Variants in SGF29 observed in about 807,000 individuals in gnomAD.
The protein encoded by SGF29 is SAGA complex associated factor 29, also known as SAGA-associated factor 29.
A neutral mutation model predicts 38.1 loss-of-function variants in SGF29; 15 were observed. The ratio of observed to expected loss-of-function variants is 0.39; its 90% CI spans 0.26 to 0.61. The LOEUF (loss-of-function observed/expected upper bound fraction) is 0.61. Ranked by LOEUF, SGF29 falls within the 20% of genes least tolerant of loss-of-function variation. SGF29 has a pLI of 0.49. For missense variants in SGF29, 184 were observed against 394.6 expected, an observed-to-expected ratio of 0.47 and a Z score of 4.52; for synonymous variants, 151 against 160.8, an observed-to-expected ratio of 0.94 and a Z score of 0.46.
At chr16:28,574,820 A>C (rs1043504193) in intron 1 of SGF29, among the ~76,000 whole-genome samples, 6 of 152,188 alleles carry the variant, frequency 3.9e-5, no homozygotes, top group African/African-American at 1.4e-4. Context: ...AACAGCCTGC[A>C]TGCTGATCAT....
intron 1 of SGF29, among the ~76,000 whole-genome samples, chr16:28,555,621 A>G (rs1005292570): frequency 5.3e-5 from 8 of 152,234 alleles, no homozygotes; most frequent in African/African-American, 1.7e-4. Flanking sequence ...GAGGCTGAGA[A>G]GTCCCGAGAT....
At chr16:28,564,353 T>G (rs940683258) in intron 1 of SGF29, among the ~76,000 whole-genome samples, 1 of 151,206 alleles carries the variant, frequency 6.6e-6, no homozygotes, top group Admixed American at 6.6e-5. Flanking sequence ...ATGAGAATGC[T>G]TAGGGAGTGC....
chr16:28,554,667 G>C (rs2046736222), intron 1 of SGF29, among the ~76,000 whole-genome samples: 1 of 152,052 alleles, frequency 6.6e-6, no homozygotes, highest in Non-Finnish European at 1.5e-5. Flanking sequence ...CTATCCTCCA[G>C]TTACCTCCTC....
At chr16:28,569,137 T>G (rs528405994) in intron 1 of SGF29, among the ~76,000 whole-genome samples, 5 of 152,032 alleles carry the variant, frequency 3.3e-5, no homozygotes, top group Admixed American at 3.3e-4. Flanking sequence ...AATAAAAGCT[T>G]CTTTTCTTTC....
chr16:28,585,799 C>G (rs2046953523), intron 4 of SGF29, 79 bp downstream of exon 4: 14 of 1,339,588 alleles, frequency 1.0e-5, no homozygotes, highest in Non-Finnish European at 1.5e-5. Flanking sequence ...GACCAAGTCC[C>G]CAGCCTGCCT....
intron 1 of SGF29, 157 bp downstream of exon 1, chr16:28,554,254 GT>G (rs1340836697): frequency 2.6e-5 from 4 of 151,518 alleles, no homozygotes; most frequent in African/African-American, 7.3e-5. Flanking sequence ...GCTCGTGGGG[GT>G]GGGGGCGGGA....
chr16:28,567,649 G>A (rs554298545), intron 1 of SGF29, among the ~76,000 whole-genome samples: 1 of 152,334 alleles, frequency 6.6e-6, no homozygotes, highest in South Asian at 2.1e-4. Flanking sequence ...GGCACAGGAG[G>A]AGAGCTGTAG....
chr16:28,574,755 C>G (rs1192447316), intron 1 of SGF29, among the ~76,000 whole-genome samples: 1 of 152,182 alleles, frequency 6.6e-6, no homozygotes, highest in Non-Finnish European at 1.5e-5. Flanking sequence ...GGGTTCTTTC[C>G]TTTTTCCTCA....
chr16:28,559,568 T>C (rs1281089711), intron 1 of SGF29, among the ~76,000 whole-genome samples: 1 of 152,014 alleles, frequency 6.6e-6, no homozygotes. Flanking sequence ...ACTTTTTTAG[T>C]AGAGACAGTG....
chr16:28,589,388 G>A (rs896155933), intron 5 of SGF29: 20 of 533,924 alleles, frequency 3.7e-5, no homozygotes, highest in Admixed American at 1.3e-4. Context: ...AGATCATCCC[G>A]CCCTGGCCCC....
At chr16:28,566,536 C>T (rs1036936271) in intron 1 of SGF29, among the ~76,000 whole-genome samples, 13 of 151,952 alleles carry the variant, frequency 8.6e-5, no homozygotes, top group African/African-American at 2.9e-4. Flanking sequence ...CATCTGTAAT[C>T]CCAACACTTT....
chr16:28,556,218 G>A (rs1022645244), intron 1 of SGF29, among the ~76,000 whole-genome samples: 8 of 152,086 alleles, frequency 5.3e-5, no homozygotes, highest in Non-Finnish European at 8.8e-5. Context: ...CACCCAGGCC[G>A]GAGTATAGTG....
Position 28,591,785 on chromosome 16 carries a change from C to G in SGF29, c.*79C>G. The stretch of plus-strand genomic sequence containing the variant: ...ACGTGCTGGGATTAAACACATTCCC[C>G]CTCTACTCGTCTCCTGGGTTTTACT... On this transcript the variant is annotated 3_prime_UTR_variant, in exon 10 of 10. Coordinates refer to ENST00000317058, the MANE Select transcript of SGF29 (RefSeq NM_138414.3). 1 of 1,310,148 alleles carries G rather than the reference C, an allele frequency of 7.6e-7. No homozygotes were observed. The highest frequency in any genetic ancestry group is 1.1e-6 in the Non-Finnish European group (1 of 918,236). The allele number at this position is 1,310,148 out of a possible 1,614,324, so 81.2% of individuals were successfully genotyped here. A position where few individuals can be genotyped will look rare whatever the true frequency, so the allele number is the denominator to read the frequency against.
intron 1 of SGF29, among the ~76,000 whole-genome samples, chr16:28,566,835 T>A (rs574411085): frequency 1.3e-5 from 2 of 152,120 alleles, no homozygotes; most frequent in South Asian, 2.1e-4. Flanking sequence ...ACCCAGATAC[T>A]TTTTTTGTAT....
At chr16:28,564,706 T>C (rs574766525) in intron 1 of SGF29, among the ~76,000 whole-genome samples, 966 of 74,936 alleles carry the variant, frequency 0.013, 63 homozygotes, top group African/African-American at 0.029. Flanking sequence ...TGTATATATA[T>C]ACATATATAT....
rs1215554512 is a variant in SGF29, at chr16:28,564,719, A to G, written c.-16+10622A>G. The stretch of plus-strand genomic sequence containing the variant: ...TATGTATATATATACATATATATGT[A>G]TATATATACATATATATGTATATAT... On this transcript the variant is annotated intron_variant, in intron 1 of 9. Transcript: ENST00000317058. 2.3e-3 allele frequency among the ~76,000 whole-genome samples: 202 copies of G among 86,432 alleles called. 13 individuals are homozygous for G. Among genetic ancestry groups the G allele is most frequent in the Non-Finnish European group, 3.1e-3 (142 of 45,638 alleles). The allele number at this position is 86,432 out of a possible 152,430, so 56.7% of individuals were successfully genotyped here. A position where few individuals can be genotyped will look rare whatever the true frequency, so the allele number is the denominator to read the frequency against.
intron 1 of SGF29, among the ~76,000 whole-genome samples, chr16:28,568,217 G>A (rs1028822429): frequency 5.4e-5 from 8 of 148,252 alleles, no homozygotes; most frequent in African/African-American, 7.4e-5. Flanking sequence ...GGAGGCTGAC[G>A]TAGGAGAATT....
intron 1 of SGF29, among the ~76,000 whole-genome samples, chr16:28,573,568 G>GT (rs1459728918): frequency 3.9e-5 from 6 of 152,182 alleles, no homozygotes; most frequent in Admixed American, 3.9e-4. Context: ...GCTCTTTTGT[G>GT]TTTTTTCAGG....
intron 1 of SGF29, among the ~76,000 whole-genome samples, chr16:28,564,750 T>C (rs1224096950): frequency 2.2e-4 from 16 of 73,256 alleles, no homozygotes; most frequent in Admixed American, 1.2e-3. Flanking sequence ...TATATGTATA[T>C]ATATGTATAT....
Sources: allele counts gnomAD v4.1 joint callset (sites outside exome capture counted in the v4.1 genomes callset), GRCh38; gene constraint gnomAD v4.1.1; transcripts MANE v1.5; gene names NCBI Gene and HGNC (gene_info 2026-07-23, HGNC 2026-07-21).